SLIT1: variants seen among roughly 807,000 people sequenced by gnomAD.
SLIT1 encodes the protein slit homolog 1 protein.
Under a neutral mutation model 186.1 loss-of-function variants are expected in SLIT1, and 66 were observed. The ratio of observed to expected loss-of-function variants is 0.35; its 90% CI spans 0.29 to 0.44. SLIT1 has a LOEUF of 0.44. SLIT1 is among the 20% of genes least tolerant of loss of function. SLIT1 has a pLI of 1.00. For synonymous variants in SLIT1, 761 were observed against 833.8 expected (o/e 0.91, Z 1.50); for missense variants, 1,638 against 2,037.4 (o/e 0.80, Z 3.77).
At chr10:97,102,756 A>C (rs1350612289) in intron 4 of SLIT1, 7 of 152,264 alleles carry the variant, frequency 4.6e-5, no homozygotes, top group African/African-American at 1.7e-4. Context: ...GCTTATATAC[A>C]GTGTCCAGGG....
At chr10:97,051,854 G>T (rs139173987) in intron 13 of SLIT1, among the ~76,000 whole-genome samples, 1 of 149,476 alleles carries the variant, frequency 6.7e-6, no homozygotes, top group African/African-American at 2.4e-5. Context: ...TCCACACAAA[G>T]ATTTGTGAGT....
intron 4 of SLIT1, among the ~76,000 whole-genome samples, chr10:97,099,772 G>T (rs1471607128): frequency 1.3e-5 from 2 of 152,152 alleles, no homozygotes. Flanking sequence ...CCCAGGGGAG[G>T]CCAGAGACCC....
intron 1 of SLIT1, among the ~76,000 whole-genome samples, chr10:97,179,334 C>T (rs1398706052): frequency 6.6e-6 from 1 of 152,220 alleles, no homozygotes; most frequent in Non-Finnish European, 1.5e-5. Flanking sequence ...TGATGCATGC[C>T]TGTAGTTCCA....
intron 4 of SLIT1, among the ~76,000 whole-genome samples, chr10:97,109,354 TAG>T (rs1467793410): frequency 6.6e-6 from 1 of 152,092 alleles, no homozygotes; most frequent in Admixed American, 6.5e-5. Context: ...CTGTAATGAG[TAG>T]AGAGTGCTCT....
rs1454799243 is a variant in SLIT1, at chr10:96,998,551, G to GTGAT, written c.*2557_*2560dup. 1 of 152,326 alleles carries GTGAT rather than the reference G, an allele frequency of 6.6e-6. No individual in the cohort carries two copies. Among genetic ancestry groups the GTGAT allele is most frequent in the African/African-American group, 2.4e-5 (1 of 41,472 alleles). 9.4% of individuals were successfully genotyped at this position (152,326 alleles called of 1,614,324 possible). On this transcript the variant is annotated 3_prime_UTR_variant, in exon 37 of 37. Transcript: ENST00000266058. The stretch of plus-strand genomic sequence containing the variant: ...TGTGGAGAGAGGACTTCTCAGAGGG[G>GTGAT]TGATTTTGCAGTAGCCACCTTCCGG...
At chr10:97,039,659 AT>A (rs1848672989) in intron 21 of SLIT1, among the ~76,000 whole-genome samples, 1 of 152,242 alleles carries the variant, frequency 6.6e-6, no homozygotes, top group Non-Finnish European at 1.5e-5. Context: ...CAAAAATCAC[AT>A]TTGTGTCTTC....
intron 1 of SLIT1, among the ~76,000 whole-genome samples, chr10:97,167,133 G>T (rs538330937): frequency 6.6e-6 from 1 of 152,288 alleles, no homozygotes; most frequent in South Asian, 2.1e-4. Context: ...GAGAGTCCCT[G>T]ACTGAGCTGC....
intron 31 of SLIT1, among the ~76,000 whole-genome samples, chr10:97,008,878 A>G (rs1848386632): frequency 1.3e-5 from 2 of 150,056 alleles, no homozygotes; most frequent in South Asian, 4.2e-4. Context: ...TTATTTATTT[A>G]TTTATTATTA....
chr10:97,138,205 C>A (rs1427002404), intron 4 of SLIT1, among the ~76,000 whole-genome samples: 3 of 152,194 alleles, frequency 2.0e-5, no homozygotes, highest in Non-Finnish European at 4.4e-5. Context: ...GATTGCGGAA[C>A]CAATCTACCA....
intron 18 of SLIT1, among the ~76,000 whole-genome samples, chr10:97,044,186 G>T (rs375997884): frequency 6.6e-6 from 1 of 152,236 alleles, no homozygotes; most frequent in Non-Finnish European, 1.5e-5. Flanking sequence ...TTTGAAACCA[G>T]GGGTTTGAGA....
chr10:97,022,058 C>T lies in SLIT1; in HGVS notation c.2583-645G>A, dbSNP rs1468477952. Among the ~76,000 whole-genome samples, 1 of 152,206 alleles carries T rather than the reference C, an allele frequency of 6.6e-6. No individual in the cohort carries two copies. The highest frequency in any genetic ancestry group is 2.4e-5 in the African/African-American group (1 of 41,440). On this transcript the variant is annotated intron_variant, in intron 25 of 36. Coordinates refer to ENST00000266058, the MANE Select transcript of SLIT1 (RefSeq NM_003061.3). This position sits in a 1 kb window ranked among gnomAD's most constrained non-coding sequence, Gnocchi z 4.2. Reference sequence around the variant, plus strand: ...CTACGAATGCACTGCCTCCAGTGTGCATGGGGAGAAAGCAACCCACATCGA... The same window carrying T: ...CTACGAATGCACTGCCTCCAGTGTGTATGGGGAGAAAGCAACCCACATCGA...
chr10:97,109,911 T>C (rs1400030867), intron 4 of SLIT1, among the ~76,000 whole-genome samples: 1 of 152,050 alleles, frequency 6.6e-6, no homozygotes, highest in East Asian at 1.9e-4. Flanking sequence ...GGCCAGAAAT[T>C]GAGGGGGAAA....
intron 4 of SLIT1, among the ~76,000 whole-genome samples, chr10:97,081,942 A>G (rs1383536569): frequency 6.6e-6 from 1 of 152,182 alleles, no homozygotes; most frequent in Admixed American, 6.5e-5. Flanking sequence ...AACCTTGTCT[A>G]CTCAGCTCTT....
At chr10:97,060,618 A>C (rs1236247180) in intron 9 of SLIT1, 22 bp downstream of exon 9, 1 of 1,611,936 alleles carries the variant, frequency 6.2e-7, no homozygotes, top group South Asian at 1.1e-5. Flanking sequence ...GTGCCCCAGC[A>C]TCTGCCCTGC....
chr10:97,135,818 G>A (rs755962295), intron 4 of SLIT1, among the ~76,000 whole-genome samples: 37 of 152,302 alleles, frequency 2.4e-4, no homozygotes, highest in Non-Finnish European at 5.0e-4. Context: ...TGGGTCCCCT[G>A]TTAAAACCAC....
intron 9 of SLIT1, 31 bp from the exon 10 acceptor site, chr10:97,060,189 G>A: frequency 6.3e-7 from 1 of 1,591,362 alleles, no homozygotes. Context: ...GGAAGCCCAA[G>A]GGCCCAGGTC....
intron 4 of SLIT1, among the ~76,000 whole-genome samples, chr10:97,123,952 G>A (rs1279262122): frequency 6.6e-6 from 1 of 152,086 alleles, no homozygotes; most frequent in Non-Finnish European, 1.5e-5. Flanking sequence ...AGTAGGATGT[G>A]TTCCAAGGAG....
chr10:97,078,063 T>C (rs1027480885), intron 4 of SLIT1, among the ~76,000 whole-genome samples: 9 of 152,112 alleles, frequency 5.9e-5, no homozygotes, highest in African/African-American at 2.2e-4. Flanking sequence ...GCTGTGATCA[T>C]GCCACTTCAC....
chr10:97,056,786 G>C (rs759183834), intron 12 of SLIT1, among the ~76,000 whole-genome samples: 7 of 152,208 alleles, frequency 4.6e-5, no homozygotes, highest in Non-Finnish European at 8.8e-5. Flanking sequence ...CTCCTTCCCA[G>C]AGGTCCATTG....
Sources: allele counts gnomAD v4.1 joint callset (sites outside exome capture counted in the v4.1 genomes callset), GRCh38; gene constraint gnomAD v4.1.1; non-coding constraint Gnocchi (gnomAD v3.1); transcripts MANE v1.5; gene names NCBI Gene and HGNC (gene_info 2026-07-23, HGNC 2026-07-21).